The following ENKUR variants were observed in gnomAD, a reference collection of about 807,000 sequenced individuals.
ENKUR encodes enkurin, TRPC channel interacting protein.
A neutral mutation model predicts 27.6 loss-of-function variants in ENKUR; 19 were observed. That is an observed-to-expected ratio of 0.69 (90% confidence interval 0.48 to 1.01). The LOEUF (loss-of-function observed/expected upper bound fraction) is 1.01, where lower values mean the gene tolerates loss of function less well. Ranked by LOEUF, ENKUR falls within the 50% of genes least tolerant of loss-of-function variation. The probability of loss-of-function intolerance (pLI) is 0.00; values close to 1 mark genes in which losing one functional copy is unlikely to be tolerated. For synonymous variants in ENKUR, 117 were observed against 96.9 expected, an observed-to-expected ratio of 1.21 and a Z score of -1.22; for missense variants, 312 against 310.5, an observed-to-expected ratio of 1.00 and a Z score of -0.04.
At chr10:24,995,029 T>C (rs1318365151) in intron 3 of ENKUR, among the ~76,000 whole-genome samples, 1 of 152,038 alleles carries the variant, frequency 6.6e-6, no homozygotes, top group Non-Finnish European at 1.5e-5. Flanking sequence ...TCAAAAAAAA[T>C]CTATATTTAA....
At chr10:25,047,320 A>G (rs1851131783) in intron 2 of ENKUR, among the ~76,000 whole-genome samples, 1 of 152,178 alleles carries the variant, frequency 6.6e-6, no homozygotes, top group Non-Finnish European at 1.5e-5. Flanking sequence ...GTCACTCAGT[A>G]TTTGATTATC....
At chr10:25,028,095 G>T (rs1850889977) in intron 2 of ENKUR, among the ~76,000 whole-genome samples, 1 of 152,206 alleles carries the variant, frequency 6.6e-6, no homozygotes, top group Admixed American at 6.5e-5. Context: ...TGAAGGATGG[G>T]AAGATTTTCT....
chr10:25,012,343 A>G (rs1210331559), intron 1 of ENKUR, among the ~76,000 whole-genome samples: 2 of 152,232 alleles, frequency 1.3e-5, no homozygotes. Flanking sequence ...CTGTGAGAAG[A>G]GGGCCACTGT....
At chr10:25,023,668 G>A (rs774250983) in intron 2 of ENKUR, 2 of 1,614,054 alleles carry the variant, frequency 1.2e-6, no homozygotes, top group South Asian at 1.1e-5. Context: ...GAAGAAAAAT[G>A]GAATAATTGT....
At chr10:24,995,976 A>G (rs1850045626) in intron 2 of ENKUR, 107 bp from the exon 3 acceptor site, 2 of 853,138 alleles carry the variant, frequency 2.3e-6, no homozygotes, top group Non-Finnish European at 3.4e-6. Context: ...AGTTGCAGTC[A>G]TAATATATTT....
chr10:25,054,458 T>TTTCTTTCTTTC (rs1851224705), intron 2 of ENKUR, among the ~76,000 whole-genome samples: 3 of 27,564 alleles, frequency 1.1e-4, no homozygotes, highest in African/African-American at 4.3e-4. Flanking sequence ...TTTTTTCTCT[T>TTTCTTTCTTTC]TTCTTTCTTT....
chr10:24,997,986 A>G lies in ENKUR; in HGVS notation c.223+1415T>C, dbSNP rs189565447. Among the ~76,000 whole-genome samples, 40 of 152,278 alleles carry G rather than the reference A, an allele frequency of 2.6e-4. No individual in the cohort carries two copies. The East Asian group carries it at 7.5e-3, about 29-fold the overall frequency. On this transcript the variant is annotated intron_variant, in intron 2 of 5. Coordinates refer to ENST00000331161, the MANE Select transcript of ENKUR (RefSeq NM_145010.4). The stretch of plus-strand genomic sequence containing the variant: ...TAGAATGCTGGGTCACAACAGGCCA[A>G]GACTAGAGGAAGATACAAAAGAGAC...
chr10:25,023,216 A>C, intron 2 of ENKUR: 2 of 1,598,316 alleles, frequency 1.3e-6, no homozygotes, highest in Non-Finnish European at 1.7e-6. Flanking sequence ...CAGAAAAGTG[A>C]AAAGAGAATG....
chr10:25,017,492 G>A (rs1420349410), upstream of ENKUR, among the ~76,000 whole-genome samples: 4 of 152,062 alleles, frequency 2.6e-5, no homozygotes, highest in Non-Finnish European at 5.9e-5. Context: ...GTTGGCTGGC[G>A]GAGTGATTAA....
Position 24,999,633 on chromosome 10 carries a change from AATTT to A in ENKUR, c.78-91_78-88del, listed in dbSNP as rs1215527294. The A allele has an allele frequency of 6.6e-6, 8 of 1,210,452 alleles. No homozygotes were observed. The African/African-American group carries it at 1.2e-4, about 19-fold the overall frequency. The allele number at this position is 1,210,452 out of a possible 1,614,324, so 75.0% of individuals were successfully genotyped here. A position where few individuals can be genotyped will look rare whatever the true frequency, so the allele number is the denominator to read the frequency against. ...CTTAAAGTTTAAATCTTACATTTTTAATTTATTTAAGTCTATATTCGTATGGAAA... is the reference window on the plus strand; with the variant it reads ...CTTAAAGTTTAAATCTTACATTTTTAATTTAAGTCTATATTCGTATGGAAA... On this transcript the variant is annotated intron_variant, in intron 1 of 5. Coordinates refer to ENST00000331161, the MANE Select transcript of ENKUR (RefSeq NM_145010.4).
At chr10:25,019,706 C>G (rs915985012), upstream of ENKUR, among the ~76,000 whole-genome samples, 1 of 152,206 alleles carries the variant, frequency 6.6e-6, no homozygotes, top group Non-Finnish European at 1.5e-5. Context: ...GTCCTATTAA[C>G]TGCTAATTAT....
At chr10:25,035,342 G>A (rs908444378) in intron 2 of ENKUR, among the ~76,000 whole-genome samples, 2 of 152,162 alleles carry the variant, frequency 1.3e-5, no homozygotes, top group Non-Finnish European at 2.9e-5. Flanking sequence ...ATCACCTGAG[G>A]TCAGGAGTTC....
At chr10:25,041,179 T>A (rs1851059994) in intron 2 of ENKUR, among the ~76,000 whole-genome samples, 1 of 152,208 alleles carries the variant, frequency 6.6e-6, no homozygotes, top group South Asian at 2.1e-4. Context: ...ATGTTTAAAA[T>A]TTTTCATGCT....
At chr10:25,059,766 A>G (rs10828750) in intron 2 of ENKUR, among the ~76,000 whole-genome samples, 68,925 of 151,916 alleles carry the variant, frequency 0.45, 16,769 homozygotes, top group African/African-American at 0.64. Flanking sequence ...TGAAACTGCA[A>G]TGAGCTATGA....
upstream of ENKUR, among the ~76,000 whole-genome samples, chr10:25,018,665 T>TTG (rs1554771954): frequency 6.6e-6 from 1 of 150,746 alleles, no homozygotes; most frequent in African/African-American, 2.4e-5. Flanking sequence ...AGTTGTTTTT[T>TTG]TTTTTTTTTT....
chr10:24,995,536 G>T, intron 3 of ENKUR, 110 bp downstream of exon 3: 1 of 980,192 alleles, frequency 1.0e-6, no homozygotes, highest in African/African-American at 1.6e-5. Context: ...CAGCAAAGTA[G>T]ACAATGTGTC....
chr10:25,007,686 G>A (rs896619812), intron 1 of ENKUR, among the ~76,000 whole-genome samples: 6 of 151,984 alleles, frequency 3.9e-5, no homozygotes, highest in Non-Finnish European at 7.4e-5. Context: ...CGCCTGCCTC[G>A]GCCTCCCAAA....
intron 2 of ENKUR, chr10:25,026,699 C>A (rs528457189): frequency 1.3e-5 from 2 of 155,744 alleles, no homozygotes; most frequent in African/African-American, 4.8e-5. Context: ...CACAAGATGG[C>A]ATTCCTAACA....
intron 4 of ENKUR, among the ~76,000 whole-genome samples, chr10:24,987,716 T>C (rs1849810307): frequency 6.6e-6 from 1 of 152,142 alleles, no homozygotes; most frequent in Non-Finnish European, 1.5e-5. Context: ...ATGTGTTCTG[T>C]AGTGGGGGAA....
Sources: gnomAD v4.1 joint callset for allele counts (sites outside exome capture counted in the v4.1 genomes callset) on GRCh38, gnomAD v4.1.1 for gene constraint, MANE v1.5 for transcripts, NCBI Gene and HGNC (gene_info 2026-07-23, HGNC 2026-07-21) for gene names.